ZNF804A: variants seen among roughly 807,000 people sequenced by gnomAD.
ZNF804A encodes zinc finger protein 804A.
A neutral mutation model predicts 16.5 loss-of-function variants in ZNF804A; 2 were observed. That is an observed-to-expected ratio of 0.12 (90% CI 0.05 to 0.38). ZNF804A has a LOEUF of 0.38. ZNF804A is among the 10% of genes least tolerant of loss of function. ZNF804A has a pLI of 0.99. For missense variants in ZNF804A, 1,473 were observed against 1,390.7 expected (o/e 1.06, Z -0.94); for synonymous variants, 534 against 489.6 (o/e 1.09, Z -1.20).
chr2:184,794,697 TA>T (rs1694604435), intron 1 of ZNF804A, among the ~76,000 whole-genome samples: 1 of 152,118 alleles, frequency 6.6e-6, no homozygotes, highest in African/African-American at 2.4e-5. Flanking sequence ...ATGCTCTGCA[TA>T]AAAGATACAA....
At chr2:184,921,463 T>C (rs1176284478) in intron 2 of ZNF804A, among the ~76,000 whole-genome samples, 1 of 152,116 alleles carries the variant, frequency 6.6e-6, no homozygotes. Flanking sequence ...ATTGACACAT[T>C]TACATTTTGT....
At chr2:184,744,786 A>T (rs1693762528) in intron 1 of ZNF804A, among the ~76,000 whole-genome samples, 1 of 151,896 alleles carries the variant, frequency 6.6e-6, no homozygotes, top group Non-Finnish European at 1.5e-5. Context: ...TCCAAAATAA[A>T]ACTTCATTCC....
At chr2:184,810,161 A>G (rs573551099) in intron 1 of ZNF804A, among the ~76,000 whole-genome samples, 84 of 152,318 alleles carry the variant, frequency 5.5e-4, no homozygotes, top group African/African-American at 2.0e-3. Context: ...TGTACTGCCT[A>G]TGACTGGCTT....
chr2:184,826,469 C>A (rs1695170371), intron 1 of ZNF804A, among the ~76,000 whole-genome samples: 2 of 152,094 alleles, frequency 1.3e-5, no homozygotes, highest in East Asian at 3.9e-4. Context: ...AATTAGTGAA[C>A]CATAATTATT....
chr2:184,611,344 A>G (rs1691235523), intron 1 of ZNF804A, among the ~76,000 whole-genome samples: 1 of 152,082 alleles, frequency 6.6e-6, no homozygotes. Flanking sequence ...TTACATGTTT[A>G]CCCATACCCC....
chr2:184,715,054 T>C (rs1156832179), intron 1 of ZNF804A, among the ~76,000 whole-genome samples: 1 of 152,166 alleles, frequency 6.6e-6, no homozygotes, highest in East Asian at 1.9e-4. Context: ...AGAACTTAAA[T>C]ACCCTGTGTC....
chr2:184,937,598 G>C lies in ZNF804A; in HGVS notation c.2202G>C (p.Gln734His). 6.2e-7 allele frequency: 1 copy of C among 1,613,378 alleles called. No homozygotes were observed. The highest frequency in any genetic ancestry group is 8.5e-7 in the Non-Finnish European group (1 of 1,179,804). ...AAACCAAAATGTCAAGCTGTAGTCA[G>C]GATCACAGAAGCTTAGTTCTTCAAA... ...CWKTKMSSCS[Q>H]DHRSLVLQND... Residue 734 changes from glutamine to histidine, a missense_variant, in exon 4 of 4, where the codon CAG becomes CAC. Transcript: ENST00000302277.
intron 1 of ZNF804A, among the ~76,000 whole-genome samples, chr2:184,767,144 A>G (rs1574202554): frequency 6.6e-6 from 1 of 152,286 alleles, no homozygotes; most frequent in East Asian, 1.9e-4. Context: ...TCTGTTGTTA[A>G]ATCTACCCAG....
At chr2:184,681,110 A>T (rs1692531540) in intron 1 of ZNF804A, among the ~76,000 whole-genome samples, 1 of 152,204 alleles carries the variant, frequency 6.6e-6, no homozygotes, top group Admixed American at 6.5e-5. Context: ...AAGGTGCAAG[A>T]TCCAGGGCAG....
At chr2:184,816,971 C>T (rs1280686735) in intron 1 of ZNF804A, among the ~76,000 whole-genome samples, 1 of 151,842 alleles carries the variant, frequency 6.6e-6, no homozygotes, top group African/African-American at 2.4e-5. Context: ...ATCTTAAGTA[C>T]TTCAGCCATT....
chr2:184,868,391 C>A (rs778563934), intron 2 of ZNF804A, among the ~76,000 whole-genome samples: 1 of 152,040 alleles, frequency 6.6e-6, no homozygotes, highest in Non-Finnish European at 1.5e-5. Flanking sequence ...ATATATACTT[C>A]TACCACATGA....
chr2:184,747,254 A>C (rs1394796821), intron 1 of ZNF804A, among the ~76,000 whole-genome samples: 1 of 143,590 alleles, frequency 7.0e-6, no homozygotes, highest in African/African-American at 2.6e-5. Context: ...AAATAGGGCA[A>C]CCCGCTCGGG....
At chr2:184,768,253 A>G (rs1025944925) in intron 1 of ZNF804A, among the ~76,000 whole-genome samples, 1 of 152,110 alleles carries the variant, frequency 6.6e-6, no homozygotes, top group African/African-American at 2.4e-5. Flanking sequence ...GTATGCAAAT[A>G]CCATGCCATT....
At chr2:184,758,567 A>G (rs1354974630) in intron 1 of ZNF804A, among the ~76,000 whole-genome samples, 1 of 151,998 alleles carries the variant, frequency 6.6e-6, no homozygotes. Context: ...ATGCTTAACA[A>G]CAAAGTTACA....
intron 1 of ZNF804A, among the ~76,000 whole-genome samples, chr2:184,716,710 A>G (rs975546050): frequency 5.9e-5 from 9 of 152,190 alleles, no homozygotes; most frequent in Admixed American, 5.2e-4. Context: ...GACAAATATT[A>G]TATGAGCCAA....
intron 1 of ZNF804A, among the ~76,000 whole-genome samples, chr2:184,765,686 T>C (rs1467690786): frequency 2.0e-5 from 3 of 149,730 alleles, no homozygotes; most frequent in African/African-American, 7.4e-5. Context: ...GACAGGAGTC[T>C]TGCTGATGCC....
intron 1 of ZNF804A, among the ~76,000 whole-genome samples, chr2:184,842,283 G>A (rs568091433): frequency 1.4e-4 from 22 of 152,192 alleles, no homozygotes; most frequent in African/African-American, 4.1e-4. Context: ...GCCTGCTGGC[G>A]CTGATGAGAG....
chr2:184,776,348 A>G (rs2105771387), intron 1 of ZNF804A, among the ~76,000 whole-genome samples: 1 of 151,676 alleles, frequency 6.6e-6, no homozygotes, highest in South Asian at 2.1e-4. Flanking sequence ...AATGGCTTAG[A>G]TGAGGACGGC....
At chr2:184,868,320 G>A (rs1024237621) in intron 2 of ZNF804A, among the ~76,000 whole-genome samples, 26 of 151,988 alleles carry the variant, frequency 1.7e-4, no homozygotes, top group Non-Finnish European at 1.2e-4. Context: ...GTCTTTGAGC[G>A]TGTCTTCCTA....
Sources: allele counts gnomAD v4.1 joint callset (sites outside exome capture counted in the v4.1 genomes callset), GRCh38; gene constraint gnomAD v4.1.1; transcripts MANE v1.5; gene names NCBI Gene and HGNC (gene_info 2026-07-23, HGNC 2026-07-21).